Variants in SH3YL1 observed in about 807,000 individuals in gnomAD.
SH3YL1 encodes SH3 domain-containing YSC84-like protein 1.
In SH3YL1, 41 loss-of-function variants were observed where a neutral mutation model predicts 45.8. That is an observed-to-expected ratio of 0.89 (90% CI 0.70 to 1.16). The LOEUF is 1.16. SH3YL1 is among the 50% of genes most tolerant of loss of function. The pLI is 0.00. For synonymous variants in SH3YL1, 152 were observed against 151.4 expected (o/e 1.00, Z -0.03); for missense variants, 389 against 409.6 (o/e 0.95, Z 0.43).
At chr2:249,308 T>A (rs2103047149) in intron 3 of SH3YL1, among the ~76,000 whole-genome samples, 1 of 152,326 alleles carries the variant, frequency 6.6e-6, no homozygotes, top group South Asian at 2.1e-4. Flanking sequence ...GTTTTTATGA[T>A]CTACCACAGA....
intron 4 of SH3YL1, chr2:240,723 T>C (rs1419149823): frequency 6.6e-6 from 1 of 152,234 alleles, no homozygotes; most frequent in African/African-American, 2.4e-5. Context: ...CAACAGTGTG[T>C]AATACCAATG....
chr2:242,673 T>C (rs1018769063), intron 4 of SH3YL1: 2 of 1,250,698 alleles, frequency 1.6e-6, no homozygotes, highest in African/African-American at 3.1e-5. Flanking sequence ...CTATTAAATG[T>C]GAATGAATTA....
rs768170959 is a variant in SH3YL1, at chr2:233,116, T to C, written c.518A>G (p.Lys173Arg). The C allele has an allele frequency of 1.3e-6, 2 of 1,579,874 alleles. No individual in the cohort carries two copies. The highest frequency in any genetic ancestry group is 8.6e-7 in the Non-Finnish European group (1 of 1,161,832). The change falls in exon 6 of 10, where the codon AAA becomes AGA. Residue 173 changes from lysine to arginine, a missense_variant. Physicochemically the swap from Lys to Arg is conservative, Grantham distance 26. Coordinates refer to ENST00000356150, the MANE Select transcript of SH3YL1 (RefSeq NM_015677.4). ...TTGAACTGACTTTCTATTAGTTTCT[T>C]TCCTTTCAATCAAACAGCTCCCTTC... Reference protein sequence around the residue: ...SLEGSCLIERKETNRKFYCQD... With the variant: ...SLEGSCLIERRETNRKFYCQD...
intron 2 of SH3YL1, among the ~76,000 whole-genome samples, chr2:251,375 T>G (rs1669064384): frequency 6.6e-6 from 1 of 152,234 alleles, no homozygotes; most frequent in South Asian, 2.1e-4. Flanking sequence ...TTTGTTTTAA[T>G]GTAAACATAA....
Position 233,193 on chromosome 2 carries a change from A to G in SH3YL1, c.441T>C (p.Ala147=). 1 of 1,592,222 alleles carries G rather than the reference A, an allele frequency of 6.3e-7. No individual in the cohort carries two copies. Residue 147 remains alanine, a synonymous_variant, in exon 6 of 10, where the codon GCT becomes GCC. Transcript: ENST00000356150. The part of the protein sequence containing the change: ...LEGNVALRSS[A]AVFTYCKSRG... ...TTGACTTGCAGTACGTGAAGACGGC[A>G]GCGGAGCTTCTCAGGGCCACGTTTC... is the stretch of plus-strand genomic sequence containing the variant.
chr2:229,885 C>G (rs1667955804), intron 8 of SH3YL1, 81 bp downstream of exon 8: 1 of 1,138,844 alleles, frequency 8.8e-7, no homozygotes, highest in East Asian at 2.6e-5. Flanking sequence ...TAAAGTTTAA[C>G]AATGTATCTT....
chr2:262,920 C>G (rs1390402759), intron 1 of SH3YL1: 2 of 300,740 alleles, frequency 6.7e-6, no homozygotes, highest in Non-Finnish European at 1.3e-5. Flanking sequence ...ATTAGTGAAC[C>G]AAATAACCAA....
chr2:243,434 C>A, intron 4 of SH3YL1: 1 of 1,415,194 alleles, frequency 7.1e-7, no homozygotes. Flanking sequence ...TAACAAATGG[C>A]TCAAAGAAGA....
chr2:239,803 G>A (rs1158237364), intron 4 of SH3YL1: 1 of 152,154 alleles, frequency 6.6e-6, no homozygotes, highest in Non-Finnish European at 1.5e-5. Flanking sequence ...AACACTTCTG[G>A]AAATTGTCCT....
rs1668016374 is a variant in SH3YL1 at position 231,107 on chromosome 2, A to AATTTC, written c.613_617dup (p.Ile206MetfsTer52). The AATTTC allele has an allele frequency of 6.2e-7, 1 of 1,614,014 alleles. No homozygotes were observed. The highest frequency in any genetic ancestry group is 8.5e-7 in the Non-Finnish European group (1 of 1,179,996). ...CATACTTTTCAGTAAAGGAATCAAGAATTTCATAAAGATCTTCGGCTTGAG... is the reference window on the plus strand; with the variant it reads ...CATACTTTTCAGTAAAGGAATCAAGAATTTCATTTCATAAAGATCTTCGGCTTGAG... On this transcript the variant is annotated frameshift_variant, in exon 7 of 10. Transcript: ENST00000356150. LOFTEE classifies it high-confidence loss of function.
chr2:256,020 A>G (rs1669306052), intron 1 of SH3YL1: 1 of 152,226 alleles, frequency 6.6e-6, no homozygotes, highest in Non-Finnish European at 1.5e-5. Context: ...CTCAGTGTGC[A>G]TGGACAGAGG....
intron 9 of SH3YL1, among the ~76,000 whole-genome samples, chr2:221,607 GCCACCACT>G (rs1233563058): frequency 3.9e-5 from 6 of 152,110 alleles, no homozygotes. Context: ...TGAAGGGAAG[GCCACCACT>G]GAAGGTCTGA....
At position 233,188 on chromosome 2, in the gene SH3YL1, AC is replaced by A; in HGVS notation, c.445del (p.Val149SerfsTer16). The A allele has an allele frequency of 6.3e-7, 1 of 1,593,860 alleles. No individual in the cohort carries two copies. Among genetic ancestry groups the A allele is most frequent in the Non-Finnish European group, 8.6e-7 (1 of 1,168,302 alleles). ...TCCCCTTGACTTGCAGTACGTGAAG[AC>A]GGCAGCGGAGCTTCTCAGGGCCACG... is the stretch of plus-strand genomic sequence containing the variant. The part of the protein sequence containing the change: ...GNVALRSSAA[V>X]FTYCKSRGLF... On this transcript the variant is annotated frameshift_variant, in exon 6 of 10. Transcript: ENST00000356150. LOFTEE classifies it high-confidence loss of function.
chr2:235,192 A>T (rs1379344718), intron 4 of SH3YL1, among the ~76,000 whole-genome samples: 3 of 152,240 alleles, frequency 2.0e-5, no homozygotes, highest in African/African-American at 2.4e-5. Context: ...ATTTTTCTCT[A>T]AATAAAAGAA....
chr2:242,641 T>G (rs1008755852), intron 4 of SH3YL1, among the ~76,000 whole-genome samples: 2 of 152,098 alleles, frequency 1.3e-5, no homozygotes, highest in Non-Finnish European at 2.9e-5. Flanking sequence ...ATGGCTGATA[T>G]AAATCCAATG....
At chr2:246,937 C>T (rs538702460) in intron 4 of SH3YL1, among the ~76,000 whole-genome samples, 2 of 152,216 alleles carry the variant, frequency 1.3e-5, no homozygotes, top group South Asian at 4.2e-4. Context: ...ATGAGTTGAG[C>T]ATACCAGGAG....
Position 224,893 on chromosome 2 carries a change from G to A in SH3YL1, c.809C>T (p.Pro270Leu). 2 of 1,611,082 alleles carry A rather than the reference G, an allele frequency of 1.2e-6. No homozygotes were observed. Among genetic ancestry groups the A allele is most frequent in the Non-Finnish European group, 1.7e-6 (2 of 1,177,276 alleles). The stretch of plus-strand genomic sequence containing the variant: ...TCTCTCATGATAGCTGGAAAGTCCA[G>A]GATAGAGCTTATATTCATTTCTGTT... ...QSNRNEYKLY[P>L]GLSSYHERVG... The change falls in exon 9 of 10, where the codon CCT becomes CTT. Residue 270 changes from proline to leucine, a missense_variant. Pro to Leu is a moderately conservative substitution (Grantham distance 98). Coordinates refer to ENST00000356150, the MANE Select transcript of SH3YL1 (RefSeq NM_015677.4).
Position 237,766 on chromosome 2 carries a change from T to A in SH3YL1, c.292-3494A>T, listed in dbSNP as rs1274314795. ...AGACTGATTTGATCTTTACAAATTGTATGCATGTATTAAATTATTACAAGT... is the reference window on the plus strand; with the variant it reads ...AGACTGATTTGATCTTTACAAATTGAATGCATGTATTAAATTATTACAAGT... On this transcript the variant is annotated intron_variant, in intron 4 of 9. Transcript: ENST00000356150. Among the ~76,000 whole-genome samples, 4 of 152,208 alleles carry A rather than the reference T, an allele frequency of 2.6e-5. No individual in the cohort carries two copies. In the East Asian group the frequency reaches 7.7e-4, roughly 29 times the overall value.
At chr2:228,536 T>C (rs1036015938) in intron 8 of SH3YL1, among the ~76,000 whole-genome samples, 1 of 152,216 alleles carries the variant, frequency 6.6e-6, no homozygotes, top group Non-Finnish European at 1.5e-5. Flanking sequence ...CCATTCTCAG[T>C]GAGGACATTT....
Sources: gnomAD v4.1 joint callset for allele counts (sites outside exome capture counted in the v4.1 genomes callset) on GRCh38, gnomAD v4.1.1 for gene constraint, MANE v1.5 for transcripts, NCBI Gene and HGNC (gene_info 2026-07-23, HGNC 2026-07-21) for gene names.